Variants in KIFAP3 observed in about 807,000 individuals in gnomAD.
The protein encoded by KIFAP3 is kinesin-associated protein 3.
Under a neutral mutation model 106.5 loss-of-function variants are expected in KIFAP3, and 68 were observed. The observed-to-expected ratio is 0.64, with a 90% CI of 0.53 to 0.78. The LOEUF is 0.78. Ranked by LOEUF, KIFAP3 falls within the 30% of genes least tolerant of loss-of-function variation. The probability of loss-of-function intolerance (pLI) is 0.00; values close to 1 mark genes in which losing one functional copy is unlikely to be tolerated. For synonymous variants in KIFAP3, 320 were observed against 311.5 expected (o/e 1.03, Z -0.29); for missense variants, 780 against 941.8 (o/e 0.83, Z 2.25).
chr1:170,003,783 C>T (rs1464092023), intron 10 of KIFAP3, among the ~76,000 whole-genome samples: 14 of 152,174 alleles, frequency 9.2e-5, no homozygotes, highest in Non-Finnish European at 1.2e-4. Context: ...GGAAGCATTC[C>T]CTTTGAAAAC....
rs1005195906 is a variant in KIFAP3 at position 169,990,012 on chromosome 1, C to T, written c.1284+2143G>A. On this transcript the variant is annotated intron_variant, in intron 11 of 19. Coordinates refer to ENST00000361580, the MANE Select transcript of KIFAP3 (RefSeq NM_014970.4). ...TTCATAAGTACGATTTGTTCATATT[C>T]TTCTAACAAAATTATGGAATTATGC... The T allele has an allele frequency of 9.0e-6, 14 of 1,550,716 alleles. No homozygotes were observed. The African/African-American group carries it at 1.6e-4, about 18-fold the overall frequency.
intron 9 of KIFAP3, among the ~76,000 whole-genome samples, chr1:170,023,495 C>T (rs1444674478): frequency 2.0e-5 from 3 of 151,986 alleles, no homozygotes; most frequent in Non-Finnish European, 4.4e-5. Flanking sequence ...GGTCAATAAT[C>T]CAATAACTTC....
chr1:170,066,195 T>C (rs1233736024), intron 1 of KIFAP3, among the ~76,000 whole-genome samples: 3 of 136,994 alleles, frequency 2.2e-5, no homozygotes, highest in Non-Finnish European at 3.1e-5. Flanking sequence ...CCATTCTTTA[T>C]GTTATAGCTG....
chr1:169,981,067 C>T (rs1337346166), intron 15 of KIFAP3, among the ~76,000 whole-genome samples: 1 of 152,170 alleles, frequency 6.6e-6, no homozygotes, highest in East Asian at 1.9e-4. Flanking sequence ...TGCCATTGCA[C>T]TCCAGCCTGG....
intron 15 of KIFAP3, 141 bp downstream of exon 15, chr1:169,981,831 C>G (rs575473527): frequency 1.5e-6 from 1 of 650,264 alleles, no homozygotes; most frequent in African/African-American, 1.8e-5. Context: ...ATATTTAATT[C>G]ATTTTTCTTG....
intron 2 of KIFAP3, among the ~76,000 whole-genome samples, chr1:170,050,192 A>C (rs995642260): frequency 2.0e-5 from 3 of 152,166 alleles, no homozygotes; most frequent in African/African-American, 7.2e-5. Flanking sequence ...AACTTCGTGA[A>C]GCACATACAC....
chr1:169,923,143 T>G (rs575147), intron 19 of KIFAP3: 3 of 974,448 alleles, frequency 3.1e-6, no homozygotes, highest in Non-Finnish European at 3.7e-6. Flanking sequence ...ACTGAGCGAT[T>G]CTGGACAAAA....
intron 9 of KIFAP3, among the ~76,000 whole-genome samples, chr1:170,017,254 TCAA>T (rs1557840067): frequency 2.7e-5 from 1 of 36,722 alleles, no homozygotes; most frequent in Admixed American, 3.9e-4. Context: ...AGAGACTGTC[TCAA>T]AAAAAAAAAA....
intron 10 of KIFAP3, among the ~76,000 whole-genome samples, chr1:170,013,188 G>A (rs1668329534): frequency 6.6e-6 from 1 of 152,086 alleles, no homozygotes; most frequent in African/African-American, 2.4e-5. Context: ...AGAACTGTGA[G>A]TAATAAATTT....
chr1:169,983,753 C>T (rs1666649851), intron 12 of KIFAP3, among the ~76,000 whole-genome samples: 1 of 151,776 alleles, frequency 6.6e-6, no homozygotes, highest in Non-Finnish European at 1.5e-5. Context: ...AACAAAAATA[C>T]TTTTGACTCA....
intron 1 of KIFAP3, among the ~76,000 whole-genome samples, chr1:170,055,835 T>G (rs1670824283): frequency 6.6e-6 from 1 of 152,044 alleles, no homozygotes; most frequent in South Asian, 2.1e-4. Flanking sequence ...AAATTTATAT[T>G]AAAAGAAAAA....
chr1:170,078,050 CCTGTT>C (rs1671952679), upstream of KIFAP3, among the ~76,000 whole-genome samples: 1 of 151,986 alleles, frequency 6.6e-6, no homozygotes, highest in African/African-American at 2.4e-5. Context: ...ATTCTTTACT[CCTGTT>C]CAGTTATCTA....
intron 19 of KIFAP3, among the ~76,000 whole-genome samples, chr1:169,931,191 A>G (rs1282801669): frequency 1.3e-5 from 2 of 152,182 alleles, no homozygotes; most frequent in East Asian, 3.9e-4. Flanking sequence ...AAATGCTGAG[A>G]TTACAGGCGT....
intron 10 of KIFAP3, among the ~76,000 whole-genome samples, chr1:170,009,571 A>G (rs924205653): frequency 1.3e-5 from 2 of 152,184 alleles, no homozygotes; most frequent in Non-Finnish European, 2.9e-5. Flanking sequence ...AAGCATATCA[A>G]ACAATCCTCA....
At chr1:170,007,345 G>GA (rs955835488) in intron 10 of KIFAP3, among the ~76,000 whole-genome samples, 3 of 151,738 alleles carry the variant, frequency 2.0e-5, no homozygotes, top group African/African-American at 7.3e-5. Context: ...AAGAGAAACA[G>GA]AAAGAGATAA....
At chr1:170,021,492 T>G (rs1365566956) in intron 9 of KIFAP3, among the ~76,000 whole-genome samples, 1 of 144,194 alleles carries the variant, frequency 6.9e-6, no homozygotes, top group African/African-American at 2.6e-5. Flanking sequence ...CAGGCTGGAG[T>G]GCAGTGACAT....
chr1:169,998,423 C>CAT (rs1667493676), intron 10 of KIFAP3, among the ~76,000 whole-genome samples: 2 of 151,314 alleles, frequency 1.3e-5, no homozygotes, highest in Non-Finnish European at 2.9e-5. Context: ...CACACACACA[C>CAT]ACACACACAC....
intron 9 of KIFAP3, among the ~76,000 whole-genome samples, chr1:170,020,355 T>C (rs527286672): frequency 6.2e-5 from 8 of 128,530 alleles, no homozygotes; most frequent in African/African-American, 2.7e-4. Context: ...TAAGAGGCTA[T>C]AGTAATCAAG....
intron 10 of KIFAP3, among the ~76,000 whole-genome samples, chr1:170,016,261 A>G (rs1668511444): frequency 6.6e-6 from 1 of 151,998 alleles, no homozygotes; most frequent in Non-Finnish European, 1.5e-5. Flanking sequence ...AAAAGTTGCT[A>G]TTTTATTTCA....
Sources: gnomAD v4.1 joint callset for allele counts (sites outside exome capture counted in the v4.1 genomes callset) on GRCh38, gnomAD v4.1.1 for gene constraint, MANE v1.5 for transcripts, NCBI Gene and HGNC (gene_info 2026-07-23, HGNC 2026-07-21) for gene names.